The following NFIB variants were observed in gnomAD, a reference collection of about 807,000 sequenced individuals.
The protein encoded by NFIB is nuclear factor I B.
In NFIB, 11 loss-of-function variants were observed where a neutral mutation model predicts 61.5. The ratio of observed to expected loss-of-function variants is 0.18; its 90% confidence interval spans 0.11 to 0.30. The LOEUF is 0.30. Among genes scored for constraint, NFIB ranks in the 10% least tolerant of loss-of-function variants. NFIB has a pLI of 1.00. For missense variants in NFIB, 471 were observed against 608.9 expected (o/e 0.77, Z 2.38); for synonymous variants, 260 against 216.5 (o/e 1.20, Z -1.76).
At chr9:14,181,612 G>A (rs2046786023) in intron 2 of NFIB, among the ~76,000 whole-genome samples, 1 of 152,152 alleles carries the variant, frequency 6.6e-6, no homozygotes, top group South Asian at 2.1e-4. Context: ...ATAACTTTTT[G>A]CTATAGCATC....
chr9:14,328,250 C>A (rs910636054), intron 1 of NFIB, among the ~76,000 whole-genome samples: 1 of 152,084 alleles, frequency 6.6e-6, no homozygotes, highest in Admixed American at 6.5e-5. Flanking sequence ...CCCAAGGGAT[C>A]CTCCCACCTC....
chr9:14,252,859 T>G (rs2132149470), intron 2 of NFIB, among the ~76,000 whole-genome samples: 1 of 150,170 alleles, frequency 6.7e-6, no homozygotes, highest in African/African-American at 2.5e-5. Context: ...TCACCCGTAT[T>G]AAACTCAGGT....
chr9:14,113,222 G>C (rs754332794), intron 9 of NFIB, 141 bp from the exon 10 acceptor site: 2 of 636,284 alleles, frequency 3.1e-6, no homozygotes, highest in Non-Finnish European at 5.2e-6. Flanking sequence ...TTTTGTCTGA[G>C]TGAACACCAA....
At chr9:14,103,964 C>G (rs544987141) in intron 10 of NFIB, among the ~76,000 whole-genome samples, 1 of 151,374 alleles carries the variant, frequency 6.6e-6, no homozygotes, top group East Asian at 1.9e-4. Context: ...ATCACCCAGG[C>G]TGGAATGTAG....
chr9:14,231,334 G>C (rs532534565), intron 2 of NFIB, among the ~76,000 whole-genome samples: 26 of 151,796 alleles, frequency 1.7e-4, no homozygotes, highest in Admixed American at 1.4e-3. Context: ...AAGGCAGAGA[G>C]AGGGAGAGAG....
chr9:14,159,159 C>T (rs1221886349), intron 3 of NFIB, among the ~76,000 whole-genome samples: 1 of 152,078 alleles, frequency 6.6e-6, no homozygotes, highest in Admixed American at 6.6e-5. Flanking sequence ...GGAAGACAGT[C>T]AGGCAGTCAA....
At chr9:14,159,259 C>G (rs144331145) in intron 3 of NFIB, among the ~76,000 whole-genome samples, 10 of 152,280 alleles carry the variant, frequency 6.6e-5, no homozygotes, top group African/African-American at 2.2e-4. Flanking sequence ...CTCCCCACCC[C>G]CAACTTCCCA....
rs10125399 is a variant in NFIB at position 14,179,895 on chromosome 9, A to C, written c.563-115T>G. 15,553 of 866,568 alleles carry C rather than the reference A, an allele frequency of 0.018. 1,098 individuals carry two copies. In the African/African-American group the frequency reaches 0.19, roughly 10 times the overall value. The allele number at this position is 866,568 out of a possible 1,614,324, so 53.7% of individuals were successfully genotyped here. A position where few individuals can be genotyped will look rare whatever the true frequency, so the allele number is the denominator to read the frequency against. Reference sequence around the variant, plus strand: ...GTATAAAAATGAAGTTGAGTGCTTAAATAAAATACACTTTCCCAAGACTTT... The same window carrying C: ...GTATAAAAATGAAGTTGAGTGCTTACATAAAATACACTTTCCCAAGACTTT... On this transcript the variant is annotated intron_variant, in intron 2 of 10. Transcript: ENST00000380953.
At chr9:14,124,559 G>A (rs999330604) in intron 7 of NFIB, among the ~76,000 whole-genome samples, 2 of 152,054 alleles carry the variant, frequency 1.3e-5, no homozygotes, top group Non-Finnish European at 2.9e-5. Context: ...AACCAGATTC[G>A]ATTAGTCAGA....
At chr9:14,246,494 T>C (rs1041026625) in intron 2 of NFIB, among the ~76,000 whole-genome samples, 1 of 152,202 alleles carries the variant, frequency 6.6e-6, no homozygotes, top group Non-Finnish European at 1.5e-5. Context: ...CAACCCTGCA[T>C]TGTGTCCTCC....
chr9:14,338,125 T>G (rs58185998), intron 1 of NFIB, among the ~76,000 whole-genome samples: 2,433 of 152,322 alleles, frequency 0.016, 60 homozygotes, highest in African/African-American at 0.055. Context: ...CCGGGCGCAG[T>G]GGCTCACGCC....
intron 2 of NFIB, among the ~76,000 whole-genome samples, chr9:14,205,224 G>GAGGAA (rs1188193889): frequency 7.0e-4 from 1 of 1,424 alleles, no homozygotes; most frequent in African/African-American, 4.2e-3. Context: ...AGGGAGGGGA[G>GAGGAA]GGGAGGGGGA....
chr9:14,112,056 A>G (rs2037457179), intron 10 of NFIB, among the ~76,000 whole-genome samples: 1 of 152,204 alleles, frequency 6.6e-6, no homozygotes, highest in South Asian at 2.1e-4. Flanking sequence ...AAAGTCATAT[A>G]TATGCACAGG....
chr9:14,459,258 A>C, the NFIB span, among the ~76,000 whole-genome samples: 29 of 152,306 alleles, frequency 1.9e-4, no homozygotes, highest in South Asian at 5.4e-3. Context: ...CAAAAACAAG[A>C]AATGGGGAAA....
In NFIB at chr9:14,299,910, C is replaced by A. The variant is rs141217692; in HGVS notation, c.562+7079G>T. On this transcript the variant is annotated intron_variant, in intron 2 of 10. Transcript: ENST00000380953. The stretch of plus-strand genomic sequence containing the variant: ...ATTCAGCCTCAAGGACTTTCCACCT[C>A]ACTTGTTAGCCATTTCTTCCAATTT... Among the ~76,000 whole-genome samples the A allele has an allele frequency of 1.1e-3, 173 of 152,300 alleles. 1 individual carries two copies. The highest frequency in any genetic ancestry group is 4.1e-3 in the African/African-American group (169 of 41,554).
the NFIB span, among the ~76,000 whole-genome samples, chr9:14,436,061 C>T: frequency 6.6e-6 from 1 of 152,316 alleles, no homozygotes; most frequent in African/African-American, 2.4e-5. Context: ...TATTGCATGG[C>T]CCTGCTCTCT....
chr9:14,300,301 T>C (rs1392674137), intron 2 of NFIB: 2 of 398,136 alleles, frequency 5.0e-6, no homozygotes, highest in Non-Finnish European at 8.9e-6. Flanking sequence ...CCACTAGTCC[T>C]TGAGATTTCT....
At chr9:14,217,001 T>C (rs891640461) in intron 2 of NFIB, among the ~76,000 whole-genome samples, 7 of 152,224 alleles carry the variant, frequency 4.6e-5, no homozygotes, top group Non-Finnish European at 8.8e-5. Flanking sequence ...GAATAATGTT[T>C]GAACAGTGTC....
intron 10 of NFIB, among the ~76,000 whole-genome samples, chr9:14,089,751 G>C (rs181960707): frequency 6.6e-6 from 1 of 152,072 alleles, no homozygotes; most frequent in Non-Finnish European, 1.5e-5. Context: ...ATGCTCATTT[G>C]TTCATATTTG....
Sources: allele counts gnomAD v4.1 joint callset (sites outside exome capture counted in the v4.1 genomes callset), GRCh38; gene constraint gnomAD v4.1.1; transcripts MANE v1.5; gene names NCBI Gene and HGNC (gene_info 2026-07-23, HGNC 2026-07-21).